Variants in HYDIN observed in about 807,000 individuals in gnomAD.
The protein encoded by HYDIN is HYDIN axonemal central pair apparatus protein.
Under a neutral mutation model 403.9 loss-of-function variants are expected in HYDIN, and 132 were observed. That is an observed-to-expected ratio of 0.33 (90% CI 0.28 to 0.38). HYDIN has a LOEUF of 0.38. Among genes scored for constraint, HYDIN ranks in the 10% least tolerant of loss-of-function variants. The pLI is 1.00. For missense variants in HYDIN, 2,827 were observed against 5,009.5 expected (o/e 0.56, Z 13.15); for synonymous variants, 1,202 against 1,891.7 (o/e 0.64, Z 9.46).
intron 38 of HYDIN, among the ~76,000 whole-genome samples, chr16:70,960,764 T>A (rs2078389716): frequency 1.3e-5 from 2 of 152,218 alleles, no homozygotes; most frequent in South Asian, 2.1e-4. Flanking sequence ...CAATCTTGGC[T>A]CACTGCAACC....
At chr16:71,192,883 C>T (rs995968691) in intron 1 of HYDIN, among the ~76,000 whole-genome samples, 1 of 152,128 alleles carries the variant, frequency 6.6e-6, no homozygotes, top group Non-Finnish European at 1.5e-5. Flanking sequence ...AATGACTTTT[C>T]CCAAATCTCC....
chr16:70,964,233 G>A (rs1267780217), intron 37 of HYDIN, among the ~76,000 whole-genome samples: 1 of 149,638 alleles, frequency 6.7e-6, no homozygotes. Flanking sequence ...TCTTCTGCTT[G>A]TGTGAATGCC....
At chr16:71,059,097 G>C (rs1474003321) in intron 18 of HYDIN, among the ~76,000 whole-genome samples, 1 of 152,198 alleles carries the variant, frequency 6.6e-6, no homozygotes, top group Admixed American at 6.5e-5. Context: ...ATAAGTTTTT[G>C]AGAGGTCAAA....
chr16:71,062,703 T>G (rs1256875098), intron 16 of HYDIN: 1 of 156,322 alleles, frequency 6.4e-6, no homozygotes, highest in African/African-American at 2.4e-5. Context: ...CCCTTTGTGC[T>G]CCATCAATAG....
At chr16:71,062,566 C>T (rs112140748) in intron 16 of HYDIN, 6 of 443,736 alleles carry the variant, frequency 1.4e-5, no homozygotes, top group East Asian at 7.6e-5. Context: ...CAGAATTATC[C>T]GCAACTCAAA....
intron 18 of HYDIN, among the ~76,000 whole-genome samples, chr16:71,053,806 A>G (rs1181370084): frequency 6.6e-6 from 1 of 152,110 alleles, no homozygotes; most frequent in Non-Finnish European, 1.5e-5. Context: ...AAAGGATCTG[A>G]GGTAAATAAA....
intron 19 of HYDIN, 152 bp downstream of exon 19, chr16:71,031,527 C>A (rs1275833525): frequency 2.3e-6 from 3 of 1,313,298 alleles, no homozygotes; most frequent in Non-Finnish European, 3.0e-6. Context: ...TGCTGACATA[C>A]ACATCAGGAG....
chr16:71,037,478 A>T (rs1597610651), intron 18 of HYDIN, among the ~76,000 whole-genome samples: 2 of 152,066 alleles, frequency 1.3e-5, no homozygotes, highest in African/African-American at 4.8e-5. Context: ...ACTTAGTCAA[A>T]CACAAATCCA....
intron 8 of HYDIN, among the ~76,000 whole-genome samples, chr16:71,136,780 A>AC (rs886124201): frequency 6.8e-6 from 1 of 148,026 alleles, no homozygotes; most frequent in Non-Finnish European, 1.5e-5. Context: ...AAAAAAAAAA[A>AC]CAAAAAAAAC....
At chr16:71,157,810 G>A (rs1276159913) in intron 6 of HYDIN, among the ~76,000 whole-genome samples, 6 of 141,340 alleles carry the variant, frequency 4.2e-5, no homozygotes, top group Non-Finnish European at 9.2e-5. Flanking sequence ...AGACAGCTCC[G>A]AGATTCATAA....
intron 22 of HYDIN, among the ~76,000 whole-genome samples, chr16:71,018,732 G>A (rs1221413466): frequency 1.3e-5 from 2 of 152,276 alleles, no homozygotes; most frequent in Non-Finnish European, 2.9e-5. Context: ...ATTATTTAAA[G>A]GAAGAGATTT....
chr16:71,015,472 A>G (rs2080226642), intron 23 of HYDIN, among the ~76,000 whole-genome samples: 2 of 104,730 alleles, frequency 1.9e-5, no homozygotes. Context: ...CATCAGAATC[A>G]CTTCACAAAA....
intron 1 of HYDIN, among the ~76,000 whole-genome samples, chr16:71,198,894 G>C (rs1164797011): frequency 1.3e-5 from 2 of 152,210 alleles, no homozygotes; most frequent in Admixed American, 1.3e-4. Context: ...TTAAGCTATA[G>C]TAGTTGAGAC....
chr16:70,925,945 A>C (rs1314433474), intron 45 of HYDIN, among the ~76,000 whole-genome samples: 5 of 149,096 alleles, frequency 3.4e-5, no homozygotes, highest in African/African-American at 9.8e-5. Context: ...GGCAATCATT[A>C]AAAAGTCAGG....
At chr16:71,183,226 A>G (rs529382092) in intron 3 of HYDIN, among the ~76,000 whole-genome samples, 4 of 152,158 alleles carry the variant, frequency 2.6e-5, no homozygotes, top group Admixed American at 2.6e-4. Flanking sequence ...AGCATAAAAG[A>G]AATATATACA....
chr16:70,821,086 C>T (rs2036227411), intron 83 of HYDIN, among the ~76,000 whole-genome samples: 1 of 150,936 alleles, frequency 6.6e-6, no homozygotes, highest in Non-Finnish European at 1.5e-5. Flanking sequence ...AATAACCTTG[C>T]CTTAGCATCA....
In HYDIN at chr16:71,175,744, G is replaced by T. The variant is rs1434834609; in HGVS notation, c.382-3C>A. ...ACAACTTTCACCAACCTTGGAATCT[G>T]CAGGGAAACACATGATGATGAACAT... On this transcript the variant is annotated splice_region_variant and splice_polypyrimidine_tract_variant and intron_variant, in intron 4 of 85. Transcript: ENST00000393567. 2 of 1,613,924 alleles carry T rather than the reference G, an allele frequency of 1.2e-6. No homozygotes were observed. The highest frequency in any genetic ancestry group is 1.7e-6 in the Non-Finnish European group (2 of 1,179,940).
At chr16:71,073,145 G>A (rs532451882) in intron 13 of HYDIN, among the ~76,000 whole-genome samples, 1 of 152,352 alleles carries the variant, frequency 6.6e-6, no homozygotes, top group Admixed American at 6.5e-5. Flanking sequence ...TTTACCCACA[G>A]TAGATAGCTT....
chr16:71,032,557 G>T (rs1248385019), intron 18 of HYDIN, among the ~76,000 whole-genome samples: 1 of 136,536 alleles, frequency 7.3e-6, no homozygotes, highest in African/African-American at 2.6e-5. Flanking sequence ...GTCATTAGGT[G>T]ATTTCGTTGC....
Sources: gnomAD v4.1 joint callset for allele counts (sites outside exome capture counted in the v4.1 genomes callset) on GRCh38, gnomAD v4.1.1 for gene constraint, MANE v1.5 for transcripts, NCBI Gene and HGNC (gene_info 2026-07-23, HGNC 2026-07-21) for gene names.